Variants in FRMD4A observed in about 807,000 individuals in gnomAD.
FRMD4A encodes FERM domain containing 4A.
In FRMD4A, 29 loss-of-function variants were observed where a neutral mutation model predicts 129.1. That is an observed-to-expected ratio of 0.22 (90% CI 0.17 to 0.31). The LOEUF (loss-of-function observed/expected upper bound fraction) is 0.31, where lower values mean the gene tolerates loss of function less well. FRMD4A is among the 10% of genes least tolerant of loss of function. The probability of loss-of-function intolerance (pLI) is 1.00; values close to 1 mark genes in which losing one functional copy is unlikely to be tolerated. For synonymous variants in FRMD4A, 634 were observed against 571.6 expected, an observed-to-expected ratio of 1.11 and a Z score of -1.56; for missense variants, 1,272 against 1,375.8, an observed-to-expected ratio of 0.92 and a Z score of 1.19.
chr10:14,276,974 C>G (rs1484634484), intron 2 of FRMD4A, among the ~76,000 whole-genome samples: 2 of 152,190 alleles, frequency 1.3e-5, no homozygotes, highest in Admixed American at 6.5e-5. Context: ...AAGCAATTCT[C>G]CCACCTCAGC....
At chr10:13,696,177 C>T (rs927913148) in intron 14 of FRMD4A, among the ~76,000 whole-genome samples, 8 of 152,150 alleles carry the variant, frequency 5.3e-5, no homozygotes, top group East Asian at 3.8e-4. Context: ...GCCAGGCCCT[C>T]GAAGGATTTT....
intron 2 of FRMD4A, among the ~76,000 whole-genome samples, chr10:14,277,744 C>T (rs1005833429): frequency 3.3e-5 from 5 of 152,210 alleles, no homozygotes; most frequent in Non-Finnish European, 7.3e-5. Context: ...CTCCTCACAC[C>T]GAGTTGCCTA....
intron 18 of FRMD4A, among the ~76,000 whole-genome samples, chr10:13,665,251 T>TC (rs1377232806): frequency 2.0e-5 from 3 of 152,040 alleles, no homozygotes; most frequent in Non-Finnish European, 4.4e-5. Flanking sequence ...CCACCATCCA[T>TC]CTTCTGTTTG....
At chr10:14,125,204 T>C (rs1838766134) in intron 2 of FRMD4A, among the ~76,000 whole-genome samples, 1 of 152,230 alleles carries the variant, frequency 6.6e-6, no homozygotes. Flanking sequence ...CTCTGATTGA[T>C]GGCAGCTTGC....
intron 2 of FRMD4A, among the ~76,000 whole-genome samples, chr10:14,053,564 C>A (rs1834364507): frequency 6.6e-6 from 1 of 152,300 alleles, no homozygotes; most frequent in South Asian, 2.1e-4. Context: ...GCCTACCTAT[C>A]CTCTGCCAAC....
rs1220836905 is a variant in FRMD4A at position 13,831,540 on chromosome 10, C to T, written c.112-20632G>A. Among the ~76,000 whole-genome samples, 22 of 152,202 alleles carry T rather than the reference C, an allele frequency of 1.4e-4. 1 individual carries two copies. Among genetic ancestry groups the T allele is most frequent in the Admixed American group, 1.4e-3 (21 of 15,282 alleles). ...TGGACTGGCATTAAGGTTTTCTGAACTGTTGTGGGATCAGGACCCAGTAGC... is the reference window on the plus strand; with the variant it reads ...TGGACTGGCATTAAGGTTTTCTGAATTGTTGTGGGATCAGGACCCAGTAGC... On this transcript the variant is annotated intron_variant, in intron 3 of 24. Transcript: ENST00000357447.
intron 2 of FRMD4A, among the ~76,000 whole-genome samples, chr10:13,862,718 T>A (rs1387552151): frequency 6.6e-6 from 1 of 152,218 alleles, no homozygotes; most frequent in Non-Finnish European, 1.5e-5. Flanking sequence ...ACTGCTGTGG[T>A]TTATTTTTCA....
At chr10:14,111,101 T>C (rs1288955946) in intron 2 of FRMD4A, among the ~76,000 whole-genome samples, 2 of 152,222 alleles carry the variant, frequency 1.3e-5, no homozygotes, top group Non-Finnish European at 2.9e-5. Context: ...CATTTTCATC[T>C]TGCAAAACAG....
chr10:13,661,600 G>C (rs1166883979), intron 19 of FRMD4A, among the ~76,000 whole-genome samples: 1 of 152,190 alleles, frequency 6.6e-6, no homozygotes, highest in African/African-American at 2.4e-5. Context: ...CTTAAGCACG[G>C]ATGCGTCGGA....
chr10:14,033,033 G>A (rs968192149), intron 2 of FRMD4A, among the ~76,000 whole-genome samples: 3 of 152,198 alleles, frequency 2.0e-5, no homozygotes, highest in African/African-American at 4.8e-5. Context: ...TTGGCTGGGC[G>A]CGGTGGCTCA....
At chr10:14,154,893 G>T (rs1167620837) in intron 2 of FRMD4A, among the ~76,000 whole-genome samples, 3 of 152,210 alleles carry the variant, frequency 2.0e-5, no homozygotes, top group African/African-American at 7.2e-5. Flanking sequence ...GTCTTTCTTT[G>T]TTGGTCTGAA....
At chr10:13,859,567 A>G (rs1158783958) in intron 2 of FRMD4A, among the ~76,000 whole-genome samples, 1 of 152,168 alleles carries the variant, frequency 6.6e-6, no homozygotes, top group Non-Finnish European at 1.5e-5. Flanking sequence ...GGTGTTGTTC[A>G]TTCTTCACTT....
At chr10:14,135,911 G>A (rs181016259) in intron 2 of FRMD4A, among the ~76,000 whole-genome samples, 121 of 152,128 alleles carry the variant, frequency 8.0e-4, no homozygotes, top group Non-Finnish European at 1.4e-3. Context: ...TCTAACAATC[G>A]CACAAATAAA....
chr10:13,980,718 C>T (rs770552653), intron 2 of FRMD4A, among the ~76,000 whole-genome samples: 16 of 151,892 alleles, frequency 1.1e-4, no homozygotes, highest in Non-Finnish European at 1.2e-4. Flanking sequence ...AGACCCTGTC[C>T]GTAAAAATCA....
intron 2 of FRMD4A, among the ~76,000 whole-genome samples, chr10:14,259,327 C>T (rs1178478200): frequency 1.3e-5 from 2 of 152,128 alleles, no homozygotes; most frequent in Non-Finnish European, 2.9e-5. Flanking sequence ...AAAGTGTAAA[C>T]ACACCATTCA....
chr10:14,124,584 G>A (rs1270882144), intron 2 of FRMD4A, among the ~76,000 whole-genome samples: 1 of 152,192 alleles, frequency 6.6e-6, no homozygotes, highest in Non-Finnish European at 1.5e-5. Flanking sequence ...GCTGAGGCAG[G>A]AGAATCTCGT....
intron 2 of FRMD4A, among the ~76,000 whole-genome samples, chr10:14,123,741 G>A (rs1335011373): frequency 6.6e-6 from 1 of 152,208 alleles, no homozygotes; most frequent in Non-Finnish European, 1.5e-5. Flanking sequence ...CCACAGAACT[G>A]TTCTGGAGCT....
chr10:13,936,397 C>T (rs943043112), intron 2 of FRMD4A, among the ~76,000 whole-genome samples: 1 of 152,168 alleles, frequency 6.6e-6, no homozygotes, highest in Non-Finnish European at 1.5e-5. Context: ...TGGCTCTTTG[C>T]TATAGGCTGA....
At chr10:13,933,779 GGACACA>G (rs2095224375) in intron 2 of FRMD4A, among the ~76,000 whole-genome samples, 1 of 152,096 alleles carries the variant, frequency 6.6e-6, no homozygotes, top group Admixed American at 6.6e-5. Flanking sequence ...GAGGCCCCTG[GGACACA>G]GATAGAAAGG....
Sources: allele counts gnomAD v4.1 joint callset (sites outside exome capture counted in the v4.1 genomes callset), GRCh38; gene constraint gnomAD v4.1.1; transcripts MANE v1.5; gene names NCBI Gene and HGNC (gene_info 2026-07-23, HGNC 2026-07-21).